Variants in NRXN3 observed in about 807,000 individuals in gnomAD.
The protein encoded by NRXN3 is neurexin III.
A neutral mutation model predicts 137.6 loss-of-function variants in NRXN3; 32 were observed. The observed-to-expected ratio is 0.23, with a 90% CI of 0.18 to 0.31. NRXN3 has a LOEUF of 0.31. NRXN3 is among the 10% of genes least tolerant of loss of function. The pLI is 1.00. For synonymous variants in NRXN3, 798 were observed against 784.5 expected, an observed-to-expected ratio of 1.02 and a Z score of -0.29; for missense variants, 1,574 against 2,062.5, an observed-to-expected ratio of 0.76 and a Z score of 4.59.
intron 10 of NRXN3, among the ~76,000 whole-genome samples, chr14:78,932,564 A>G (rs2152873785): frequency 6.6e-6 from 1 of 152,314 alleles, no homozygotes; most frequent in South Asian, 2.1e-4. Flanking sequence ...AAAGGATGCT[A>G]TGACAATATA....
At chr14:79,635,153 A>G (rs1441515533) in intron 16 of NRXN3, among the ~76,000 whole-genome samples, 1 of 152,254 alleles carries the variant, frequency 6.6e-6, no homozygotes, top group African/African-American at 2.4e-5. Flanking sequence ...ATTATACAAT[A>G]TACACAGGTA....
At chr14:79,784,772 ATTC>A (rs1174826030) in intron 19 of NRXN3, among the ~76,000 whole-genome samples, 1 of 152,034 alleles carries the variant, frequency 6.6e-6, no homozygotes, top group African/African-American at 2.4e-5. Flanking sequence ...AATTAACTTT[ATTC>A]TTCTTTTGTT....
chr14:78,322,466 C>T (rs187893133), intron 4 of NRXN3, among the ~76,000 whole-genome samples: 5 of 151,972 alleles, frequency 3.3e-5, no homozygotes, highest in East Asian at 1.9e-4. Context: ...TATTTAATGT[C>T]TCTTTGTTTT....
At chr14:78,295,030 G>C (rs2076178234) in intron 3 of NRXN3, among the ~76,000 whole-genome samples, 1 of 152,186 alleles carries the variant, frequency 6.6e-6, no homozygotes, top group African/African-American at 2.4e-5. Context: ...GTGTTTTGAG[G>C]TAGAAGGCGG....
chr14:79,043,419 C>T (rs2099628201), intron 15 of NRXN3, among the ~76,000 whole-genome samples: 1 of 152,204 alleles, frequency 6.6e-6, no homozygotes, highest in African/African-American at 2.4e-5. Flanking sequence ...CAAAAGATGG[C>T]TTGCTTAAGT....
At chr14:79,705,714 A>G (rs934592613) in intron 19 of NRXN3, among the ~76,000 whole-genome samples, 3 of 151,966 alleles carry the variant, frequency 2.0e-5, no homozygotes, top group Non-Finnish European at 4.4e-5. Flanking sequence ...CACTTCACCC[A>G]GGTTTCCGCT....
chr14:79,218,058 T>G (rs2068853173), intron 15 of NRXN3, among the ~76,000 whole-genome samples: 1 of 152,234 alleles, frequency 6.6e-6, no homozygotes, highest in Non-Finnish European at 1.5e-5. Flanking sequence ...GAAAGGGACC[T>G]GTTTCCTTGA....
intron 10 of NRXN3, among the ~76,000 whole-genome samples, chr14:78,938,170 G>A (rs2099345741): frequency 6.6e-6 from 1 of 152,222 alleles, no homozygotes; most frequent in Admixed American, 6.5e-5. Flanking sequence ...ATATCCCCTT[G>A]ATTAAAGTGA....
chr14:79,221,421 T>C (rs1293013868), intron 15 of NRXN3, among the ~76,000 whole-genome samples: 4 of 152,166 alleles, frequency 2.6e-5, no homozygotes, highest in Non-Finnish European at 5.9e-5. Flanking sequence ...ATCTGTTGTT[T>C]CCTGACTTTT....
Position 79,865,397 on chromosome 14 carries a change from A to C in NRXN3, c.*3433A>C, listed in dbSNP as rs1456177515. 2 of 152,158 alleles carry C rather than the reference A, an allele frequency of 1.3e-5. No homozygotes were observed. The highest frequency in any genetic ancestry group is 2.9e-5 in the Non-Finnish European group (2 of 68,020). The allele number at this position is 152,158 out of a possible 1,614,324, so 9.4% of individuals were successfully genotyped here. ...CCATCTACCCTTTGTTCTTCACTGTAATCTAGAAATATAGATTTAACTGAA... is the reference window on the plus strand; with the variant it reads ...CCATCTACCCTTTGTTCTTCACTGTCATCTAGAAATATAGATTTAACTGAA... On this transcript the variant is annotated 3_prime_UTR_variant, in exon 21 of 21. Coordinates refer to ENST00000335750, the MANE Select transcript of NRXN3 (RefSeq NM_001330195.2).
intron 16 of NRXN3, among the ~76,000 whole-genome samples, chr14:79,496,325 A>G (rs1296617544): frequency 6.6e-6 from 1 of 152,008 alleles, no homozygotes; most frequent in African/African-American, 2.4e-5. Context: ...TAGCGCAGTA[A>G]GAGCAGTTGT....
chr14:78,851,458 C>A (rs1466254384), intron 10 of NRXN3, among the ~76,000 whole-genome samples: 1 of 152,188 alleles, frequency 6.6e-6, no homozygotes, highest in Non-Finnish European at 1.5e-5. Flanking sequence ...TGGCCTAGAT[C>A]TCATAGATTA....
intron 15 of NRXN3, among the ~76,000 whole-genome samples, chr14:79,367,811 G>A (rs1316775449): frequency 1.3e-5 from 2 of 152,144 alleles, no homozygotes; most frequent in African/African-American, 4.8e-5. Context: ...TTGTAATGAT[G>A]TTACATTTGA....
At chr14:78,259,343 A>G (rs2070293166) in intron 2 of NRXN3, among the ~76,000 whole-genome samples, 1 of 152,158 alleles carries the variant, frequency 6.6e-6, no homozygotes, top group Non-Finnish European at 1.5e-5. Flanking sequence ...AGATCAGCAA[A>G]CTGGTATTCT....
intron 8 of NRXN3, among the ~76,000 whole-genome samples, chr14:78,756,889 GT>G (rs2098670900): frequency 6.6e-6 from 1 of 152,182 alleles, no homozygotes; most frequent in African/African-American, 2.4e-5. Flanking sequence ...CATTTGGTGG[GT>G]TATTAGATTT....
intron 15 of NRXN3, among the ~76,000 whole-genome samples, chr14:79,343,150 G>A (rs2092698997): frequency 6.6e-6 from 1 of 152,112 alleles, no homozygotes; most frequent in African/African-American, 2.4e-5. Flanking sequence ...GATCTTAGGA[G>A]CAGTTTAGGG....
At chr14:78,659,366 G>T (rs1216638624) in intron 6 of NRXN3, among the ~76,000 whole-genome samples, 1 of 151,926 alleles carries the variant, frequency 6.6e-6, no homozygotes, top group Non-Finnish European at 1.5e-5. Context: ...CTTTTTTATG[G>T]GTTGACCATA....
chr14:78,231,713 A>C (rs937949188), intron 1 of NRXN3: 2 of 152,236 alleles, frequency 1.3e-5, no homozygotes, highest in Admixed American at 6.5e-5. Flanking sequence ...ACTCATCTCC[A>C]AAATAGGGAT....
At chr14:79,532,141 G>T (rs1380843230) in intron 16 of NRXN3, among the ~76,000 whole-genome samples, 2 of 152,092 alleles carry the variant, frequency 1.3e-5, no homozygotes, top group Non-Finnish European at 2.9e-5. Context: ...GTTCTAAAGG[G>T]ACTTGAATAA....
Sources: allele counts gnomAD v4.1 joint callset (sites outside exome capture counted in the v4.1 genomes callset), GRCh38; gene constraint gnomAD v4.1.1; transcripts MANE v1.5; gene names NCBI Gene and HGNC (gene_info 2026-07-23, HGNC 2026-07-21).